Variants in RGS6 observed in about 807,000 individuals in gnomAD.
RGS6 encodes regulator of G-protein signaling 6.
In RGS6, 30 loss-of-function variants were observed where a neutral mutation model predicts 78.5. The observed-to-expected ratio is 0.38, with a 90% CI of 0.29 to 0.52. RGS6 has a LOEUF of 0.52. Among genes scored for constraint, RGS6 ranks in the 20% least tolerant of loss-of-function variants. RGS6 has a pLI of 0.85. For missense variants in RGS6, 495 were observed against 609.7 expected, an observed-to-expected ratio of 0.81 and a Z score of 1.98; for synonymous variants, 206 against 206.0, an observed-to-expected ratio of 1.00 and a Z score of 0.00.
chr14:71,939,933 C>G (rs2090232343), intron 1 of RGS6, among the ~76,000 whole-genome samples: 1 of 152,188 alleles, frequency 6.6e-6, no homozygotes, highest in Non-Finnish European at 1.5e-5. Flanking sequence ...GGCTTTCCCC[C>G]CATAATAGCC....
intron 2 of RGS6, among the ~76,000 whole-genome samples, chr14:72,173,265 G>C (rs1361341116): frequency 6.6e-6 from 1 of 152,036 alleles, no homozygotes; most frequent in Non-Finnish European, 1.5e-5. Flanking sequence ...CAGGGCAGCT[G>C]CCCACAACAG....
intron 2 of RGS6, among the ~76,000 whole-genome samples, chr14:72,121,897 G>A (rs992423960): frequency 1.6e-4 from 25 of 152,084 alleles, no homozygotes; most frequent in African/African-American, 5.8e-4. Context: ...TGTTTTGCCA[G>A]GACCATCATC....
chr14:72,363,468 A>G (rs1210315162), intron 3 of RGS6, among the ~76,000 whole-genome samples: 1 of 152,246 alleles, frequency 6.6e-6, no homozygotes, highest in African/African-American at 2.4e-5. Flanking sequence ...TGCTAATTCA[A>G]GAGTAACTTT....
intron 2 of RGS6, among the ~76,000 whole-genome samples, chr14:71,992,034 T>TA (rs2094976697): frequency 6.6e-6 from 1 of 151,342 alleles, no homozygotes; most frequent in Non-Finnish European, 1.5e-5. Context: ...TTTTTTTTTT[T>TA]TTTTGAGACA....
chr14:72,629,719 G>T, the RGS6 span: 1 of 1,536,082 alleles, frequency 6.5e-7, no homozygotes, highest in Non-Finnish European at 8.7e-7. Context: ...AGGGTAAACT[G>T]CAGGCAGGTT....
At chr14:72,368,548 C>G (rs930262418) in intron 3 of RGS6, among the ~76,000 whole-genome samples, 7 of 152,308 alleles carry the variant, frequency 4.6e-5, no homozygotes, top group African/African-American at 1.7e-4. Context: ...CATCATCACT[C>G]ATTCCATCTT....
In RGS6 at chr14:71,934,010, A is replaced by C. The variant is rs148938564; in HGVS notation, c.-21+1069A>C. ...TTGACAACACGGCTCTTACATATCA[A>C]TTTTCATAGGCAAATAGGTAATTAC... On this transcript the variant is annotated intron_variant, in intron 1 of 17. Transcript: ENST00000553525. Among the ~76,000 whole-genome samples, 63 of 152,288 alleles carry C rather than the reference A, an allele frequency of 4.1e-4. No homozygotes were observed. The Middle Eastern group carries it at 0.01, about 25-fold the overall frequency.
intron 2 of RGS6, among the ~76,000 whole-genome samples, chr14:72,066,734 A>ATACTGAATAATTATTACAC (rs1412906465): frequency 6.6e-6 from 1 of 151,940 alleles, no homozygotes; most frequent in Non-Finnish European, 1.5e-5. Flanking sequence ...ACAGTTTCCG[A>ATACTGAATAATTATTACAC]TACTGAATAA....
chr14:72,578,786 A>G, the RGS6 span, among the ~76,000 whole-genome samples: 1 of 152,240 alleles, frequency 6.6e-6, no homozygotes, highest in South Asian at 2.1e-4. Context: ...AATACTGGTG[A>G]TATTTGAGCT....
chr14:72,114,940 C>T lies in RGS6; in HGVS notation c.84+150065C>T, dbSNP rs77059418. On this transcript the variant is annotated intron_variant, in intron 2 of 17. Coordinates refer to ENST00000553525, the MANE Select transcript of RGS6 (RefSeq NM_001204424.2). ...TTATGATAAAGAAAAACAAGAAAAA[C>T]GGCACATCCAGCCTGTTTTGTGGGA... Among the ~76,000 whole-genome samples the T allele has an allele frequency of 4.1e-3, 625 of 152,292 alleles. 4 individuals are homozygous for T. Among genetic ancestry groups the T allele is most frequent in the Non-Finnish European group, 7.6e-3 (514 of 68,012 alleles).
At chr14:72,000,704 T>C (rs1478351159) in intron 2 of RGS6, among the ~76,000 whole-genome samples, 2 of 152,024 alleles carry the variant, frequency 1.3e-5, no homozygotes, top group Non-Finnish European at 2.9e-5. Context: ...GTTAGGGAGC[T>C]ATTTCCAGAA....
chr14:71,883,253 C>T, the RGS6 span, among the ~76,000 whole-genome samples: 1 of 152,184 alleles, frequency 6.6e-6, no homozygotes, highest in Non-Finnish European at 1.5e-5. Flanking sequence ...ATGGCTGATT[C>T]AGTTCACACT....
At position 72,192,980 on chromosome 14, in the gene RGS6, GTT is replaced by G. The variant is rs35795281; in HGVS notation, c.85-159101_85-159100del. Among the ~76,000 whole-genome samples, 523 of 140,170 alleles carry G rather than the reference GTT, an allele frequency of 3.7e-3. 4 individuals carry two copies. Among genetic ancestry groups the G allele is most frequent in the African/African-American group, 0.012 (464 of 38,282 alleles). The allele number at this position is 140,170 out of a possible 152,430, so 92.0% of individuals were successfully genotyped here. ...CAGATGCCCTTTGCTGCTGGGTTGG[GTT>G]TTTTTTTTTTTTTCTTTCTTTTTTT... is the stretch of plus-strand genomic sequence containing the variant. On this transcript the variant is annotated intron_variant, in intron 2 of 17. Coordinates refer to ENST00000553525, the MANE Select transcript of RGS6 (RefSeq NM_001204424.2).
At chr14:72,545,909 C>CTGTG (rs3831612) in intron 17 of RGS6, among the ~76,000 whole-genome samples, 7 of 151,648 alleles carry the variant, frequency 4.6e-5, no homozygotes, top group African/African-American at 1.7e-4. Context: ...GGATGCCCAG[C>CTGTG]TGTGTGTGTG....
chr14:72,313,400 G>A (rs1266406617), intron 2 of RGS6, among the ~76,000 whole-genome samples: 16 of 152,186 alleles, frequency 1.1e-4, no homozygotes, highest in Non-Finnish European at 2.4e-4. Flanking sequence ...ATCCCATAGT[G>A]GCAGCTTGCC....
chr14:72,044,460 C>G (rs2092679123), intron 2 of RGS6, among the ~76,000 whole-genome samples: 1 of 152,124 alleles, frequency 6.6e-6, no homozygotes, highest in African/African-American at 2.4e-5. Flanking sequence ...GAAATGAATT[C>G]ATATTCTCTT....
chr14:71,997,541 A>G (rs1297704439), intron 2 of RGS6, among the ~76,000 whole-genome samples: 1 of 152,226 alleles, frequency 6.6e-6, no homozygotes, highest in African/African-American at 2.4e-5. Flanking sequence ...TCAACTTTTC[A>G]AAATGTCTGT....
chr14:72,075,622 G>T (rs2094547363), intron 2 of RGS6, among the ~76,000 whole-genome samples: 1 of 152,110 alleles, frequency 6.6e-6, no homozygotes. Flanking sequence ...CCACCTAGAA[G>T]TAATCACTCT....
chr14:72,619,371 C>T, the RGS6 span: 3 of 1,536,110 alleles, frequency 2.0e-6, no homozygotes, highest in South Asian at 3.6e-5. Context: ...CAGCTTCCTG[C>T]AAGAAATGAG....
Sources: allele counts gnomAD v4.1 joint callset (sites outside exome capture counted in the v4.1 genomes callset), GRCh38; gene constraint gnomAD v4.1.1; transcripts MANE v1.5; gene names NCBI Gene and HGNC (gene_info 2026-07-23, HGNC 2026-07-21).